Variants in MIPOL1 observed in about 807,000 individuals in gnomAD.
MIPOL1 encodes the protein mirror-image polydactyly gene 1 protein.
A neutral mutation model predicts 60.9 loss-of-function variants in MIPOL1; 57 were observed. The ratio of observed to expected loss-of-function variants is 0.94; its 90% CI spans 0.76 to 1.17. The LOEUF (loss-of-function observed/expected upper bound fraction) is 1.17. MIPOL1 is among the 50% of genes most tolerant of loss of function. MIPOL1 has a pLI of 0.00. For synonymous variants in MIPOL1, 179 were observed against 168.8 expected (o/e 1.06, Z -0.47); for missense variants, 551 against 511.6 (o/e 1.08, Z -0.74).
chr14:37,479,137 A>G (rs1266471397), intron 11 of MIPOL1, among the ~76,000 whole-genome samples: 1 of 152,064 alleles, frequency 6.6e-6, no homozygotes, highest in African/African-American at 2.4e-5. Flanking sequence ...CAATGGACAG[A>G]TTATACAGAC....
At chr14:37,281,723 C>G (rs569311166) in intron 6 of MIPOL1, among the ~76,000 whole-genome samples, 7 of 152,228 alleles carry the variant, frequency 4.6e-5, no homozygotes, top group African/African-American at 1.7e-4. Flanking sequence ...GTTTTGATTA[C>G]TCTGGCTTTG....
intron 11 of MIPOL1, among the ~76,000 whole-genome samples, chr14:37,476,318 T>A (rs1011786545): frequency 2.0e-5 from 3 of 152,162 alleles, no homozygotes; most frequent in Non-Finnish European, 2.9e-5. Context: ...GATTGGATGG[T>A]CTGGAATGTT....
At chr14:37,390,271 T>C (rs903345426) in intron 10 of MIPOL1, among the ~76,000 whole-genome samples, 7 of 151,914 alleles carry the variant, frequency 4.6e-5, no homozygotes, top group African/African-American at 1.7e-4. Context: ...GACCCCCATA[T>C]TCTGCAGTTC....
intron 10 of MIPOL1, among the ~76,000 whole-genome samples, chr14:37,379,608 A>C (rs1462814910): frequency 6.6e-6 from 1 of 152,142 alleles, no homozygotes; most frequent in African/African-American, 2.4e-5. Flanking sequence ...CTTATAACTC[A>C]GCAAAGAAAA....
intron 7 of MIPOL1, among the ~76,000 whole-genome samples, chr14:37,290,789 G>A (rs1305982035): frequency 6.6e-6 from 1 of 152,006 alleles, no homozygotes; most frequent in Non-Finnish European, 1.5e-5. Flanking sequence ...GGGTTTTTTT[G>A]TACAGATTAT....
intron 11 of MIPOL1, among the ~76,000 whole-genome samples, chr14:37,495,478 G>A (rs1392238855): frequency 6.7e-6 from 1 of 150,340 alleles, no homozygotes. Flanking sequence ...TTTTATGGCT[G>A]CATAGTATCC....
At chr14:37,273,167 CTA>C (rs1233097394) in intron 6 of MIPOL1, among the ~76,000 whole-genome samples, 1 of 150,376 alleles carries the variant, frequency 6.6e-6, no homozygotes, top group Non-Finnish European at 1.5e-5. Context: ...AACTTCATAA[CTA>C]TTAAGTGAAA....
At chr14:37,471,227 A>G (rs190604553) in intron 11 of MIPOL1, among the ~76,000 whole-genome samples, 2 of 152,346 alleles carry the variant, frequency 1.3e-5, no homozygotes, top group Admixed American at 1.3e-4. Flanking sequence ...TCTAAATGAG[A>G]TGATCCCAAA....
At chr14:37,437,719 T>C (rs1192548304) in intron 11 of MIPOL1, among the ~76,000 whole-genome samples, 2 of 152,168 alleles carry the variant, frequency 1.3e-5, no homozygotes, top group Non-Finnish European at 2.9e-5. Context: ...TTTCCTGACC[T>C]GCAAAGTAAG....
At chr14:37,204,749 A>G (rs1325951472) in intron 1 of MIPOL1, among the ~76,000 whole-genome samples, 1 of 152,136 alleles carries the variant, frequency 6.6e-6, no homozygotes, top group Non-Finnish European at 1.5e-5. Context: ...AGACTAACAC[A>G]GTAAATGGAC....
chr14:37,459,099 C>T (rs1487610562), intron 11 of MIPOL1, among the ~76,000 whole-genome samples: 1 of 151,786 alleles, frequency 6.6e-6, no homozygotes, highest in Non-Finnish European at 1.5e-5. Flanking sequence ...CCACACCTCA[C>T]CCCTAGGAAC....
chr14:37,205,397 C>T (rs1233935042), intron 1 of MIPOL1, among the ~76,000 whole-genome samples: 2 of 152,110 alleles, frequency 1.3e-5, no homozygotes, highest in African/African-American at 4.8e-5. Context: ...AGCCACTGCA[C>T]CCAGCCAGTG....
chr14:37,242,019 C>T (rs1251167034), intron 1 of MIPOL1, among the ~76,000 whole-genome samples: 1 of 150,788 alleles, frequency 6.6e-6, no homozygotes, highest in Non-Finnish European at 1.5e-5. Context: ...ATTAATTAGG[C>T]AATAATAGTT....
At chr14:37,272,298 G>A (rs2153393608) in intron 6 of MIPOL1, among the ~76,000 whole-genome samples, 1 of 151,562 alleles carries the variant, frequency 6.6e-6, no homozygotes, top group East Asian at 1.9e-4. Flanking sequence ...AATTTTCAAA[G>A]TATATCTTTC....
At position 37,211,749 on chromosome 14, in the gene MIPOL1, A is replaced by G. The variant is rs192687315; in HGVS notation, c.-199+13645A>G. Among the ~76,000 whole-genome samples the G allele has an allele frequency of 4.6e-5, 7 of 152,104 alleles. No individual in the cohort carries two copies. The East Asian group carries it at 9.7e-4, about 21-fold the overall frequency. Reference sequence around the variant, plus strand: ...ACTGAGACACCAGCTGGGGCAACCAATGGAGTGCTGGCATCACCCCTCACC... The same window carrying G: ...ACTGAGACACCAGCTGGGGCAACCAGTGGAGTGCTGGCATCACCCCTCACC... On this transcript the variant is annotated intron_variant, in intron 1 of 12. Coordinates refer to ENST00000684589, the MANE Select transcript of MIPOL1 (RefSeq NM_001388067.1).
intron 10 of MIPOL1, chr14:37,401,795 T>C (rs2093487444): frequency 6.6e-6 from 1 of 152,040 alleles, no homozygotes; most frequent in Non-Finnish European, 1.5e-5. Flanking sequence ...TATCTGAAAA[T>C]TTATAGATAA....
intron 10 of MIPOL1, among the ~76,000 whole-genome samples, chr14:37,382,345 A>G (rs1225363468): frequency 2.0e-5 from 3 of 152,076 alleles, no homozygotes; most frequent in African/African-American, 7.2e-5. Context: ...TTCTTTCTTA[A>G]CTAAAAATAT....
At chr14:37,313,692 C>T (rs1454508625) in intron 9 of MIPOL1, among the ~76,000 whole-genome samples, 2 of 152,118 alleles carry the variant, frequency 1.3e-5, no homozygotes, top group Non-Finnish European at 2.9e-5. Context: ...TGTTTGGACT[C>T]TATTATAGGC....
At chr14:37,505,517 C>T (rs1033476188) in intron 12 of MIPOL1, 1 of 152,204 alleles carries the variant, frequency 6.6e-6, no homozygotes, top group African/African-American at 2.4e-5. Context: ...ATGATTATCT[C>T]ATTAGATGCA....
Sources: allele counts gnomAD v4.1 joint callset (sites outside exome capture counted in the v4.1 genomes callset), GRCh38; gene constraint gnomAD v4.1.1; transcripts MANE v1.5; gene names NCBI Gene and HGNC (gene_info 2026-07-23, HGNC 2026-07-21).